HIPK1: variants seen among roughly 807,000 people sequenced by gnomAD.
HIPK1 encodes homeodomain interacting protein kinase 1, also known as homeodomain-interacting protein kinase 1.
HIPK1 carries 28 observed loss-of-function variants against 117.1 expected under a neutral mutation model. The ratio of observed to expected loss-of-function variants is 0.24; its 90% CI spans 0.18 to 0.33. The LOEUF (loss-of-function observed/expected upper bound fraction) is 0.33, where lower values mean the gene tolerates loss of function less well. Ranked by LOEUF, HIPK1 falls within the 10% of genes least tolerant of loss-of-function variation. HIPK1 has a pLI of 1.00. For missense variants in HIPK1, 1,122 were observed against 1,475.1 expected (o/e 0.76, Z 3.92); for synonymous variants, 605 against 562.5 (o/e 1.08, Z -1.07).
rs1391331249 is a variant in HIPK1, at chr1:113,929,390, G to T, written c.-145G>T. ...TAAATCACCGCAGAGTCTGCAGTGC[G>T]GAGGGGGCGGGAAGTCCAGGCCCCG... On this transcript the variant is annotated 5_prime_UTR_variant, in exon 1 of 16. Transcript: ENST00000426820. The T allele has an allele frequency of 7.8e-7, 1 of 1,289,332 alleles. No homozygotes were observed. Among genetic ancestry groups the T allele is most frequent in the African/African-American group, 1.5e-5 (1 of 65,870 alleles). The allele number at this position is 1,289,332 out of a possible 1,614,324, so 79.9% of individuals were successfully genotyped here.
intron 1 of HIPK1, among the ~76,000 whole-genome samples, chr1:113,936,421 A>C (rs1320240636): frequency 6.6e-6 from 1 of 152,206 alleles, no homozygotes; most frequent in African/African-American, 2.4e-5. Context: ...AGTTGGCAAT[A>C]ATGTTACTCT....
chr1:113,966,024 A>T (rs748181010), intron 10 of HIPK1, 106 bp from the exon 11 acceptor site: 10 of 1,126,310 alleles, frequency 8.9e-6, no homozygotes, highest in Non-Finnish European at 8.8e-6. Flanking sequence ...TTAACAATCT[A>T]CAAGCAACTT....
intron 10 of HIPK1, among the ~76,000 whole-genome samples, chr1:113,964,737 T>C (rs1189916987): frequency 1.3e-5 from 2 of 152,244 alleles, no homozygotes; most frequent in East Asian, 3.8e-4. Flanking sequence ...CAGATATATT[T>C]CCAACTTGAT....
At chr1:113,929,670 C>G (rs1334635900) in intron 1 of HIPK1, 138 bp downstream of exon 1, 4 of 900,782 alleles carry the variant, frequency 4.4e-6, no homozygotes, top group African/African-American at 1.8e-5. Context: ...GCGGTAGCCC[C>G]GGACGGCAGC....
intron 2 of HIPK1, among the ~76,000 whole-genome samples, chr1:113,944,386 A>T (rs1571670211): frequency 2.0e-5 from 3 of 147,260 alleles, no homozygotes; most frequent in Middle Eastern, 7.4e-3. Flanking sequence ...CTGGTCTCGA[A>T]CTCCTGACCT....
chr1:113,933,759 C>T (rs938211040), intron 1 of HIPK1, among the ~76,000 whole-genome samples: 8 of 151,858 alleles, frequency 5.3e-5, no homozygotes, highest in Non-Finnish European at 1.0e-4. Flanking sequence ...CCCAGTTACT[C>T]GGGAGGCTGA....
At chr1:113,933,241 A>G in intron 1 of HIPK1, 2 of 960,824 alleles carry the variant, frequency 2.1e-6, no homozygotes, top group South Asian at 9.6e-5. Context: ...AAGGGTAAGT[A>G]AAAGTTAGGA....
At chr1:113,951,946 T>G (rs1671390850) in intron 2 of HIPK1, among the ~76,000 whole-genome samples, 1 of 30,166 alleles carries the variant, frequency 3.3e-5, no homozygotes, top group Non-Finnish European at 8.0e-5. Flanking sequence ...TGACCAGGGC[T>G]TTTTTTTTTT....
At position 113,940,945 on chromosome 1, in the gene HIPK1, A is replaced by G. The variant is rs751543605; in HGVS notation, c.562A>G (p.Asn188Asp). The G allele has an allele frequency of 6.2e-7, 1 of 1,614,182 alleles. No homozygotes were observed. The change falls in exon 2 of 16, where the codon AAT (asparagine) becomes GAT (aspartate). Residue 188 changes from asparagine (N) to aspartate (D), a missense_variant. Coordinates refer to ENST00000426820, the MANE Select transcript of HIPK1 (RefSeq NM_198268.3). ...VQHEILCSMT[N>D]SYEVLEFLGR... ...GCATGAGATCCTTTGCTCTATGACC[A>G]ATAGCTATGAAGTCTTGGAGTTCCT...
At position 113,929,432 on chromosome 1, in the gene HIPK1, G is replaced by T. The variant is rs1454098017; in HGVS notation, c.-103G>T. The T allele has an allele frequency of 1.6e-6, 2 of 1,289,242 alleles. No individual in the cohort carries two copies. Among genetic ancestry groups the T allele is most frequent in the South Asian group, 2.5e-5 (2 of 81,034 alleles). The allele number at this position is 1,289,242 out of a possible 1,614,324, so 79.9% of individuals were successfully genotyped here. A position where few individuals can be genotyped will look rare whatever the true frequency, so the allele number is the denominator to read the frequency against. ...CAGGCCCCGCACTCGATCCACGCTG[G>T]CTCCCTACGGAGGCCCACCTACTCG... On this transcript the variant is annotated 5_prime_UTR_variant, in exon 1 of 16. Coordinates refer to ENST00000426820, the MANE Select transcript of HIPK1 (RefSeq NM_198268.3).
intron 14 of HIPK1, among the ~76,000 whole-genome samples, chr1:113,971,057 G>T (rs1301968855): frequency 6.6e-6 from 1 of 152,150 alleles, no homozygotes; most frequent in Non-Finnish European, 1.5e-5. Context: ...ATAAACCTGG[G>T]CCATACTTGT....
Position 113,930,266 on chromosome 1 carries a change from C to A in HIPK1, c.-3+734C>A, listed in dbSNP as rs1308709273. On this transcript the variant is annotated intron_variant, in intron 1 of 15. Coordinates refer to ENST00000426820, the MANE Select transcript of HIPK1 (RefSeq NM_198268.3). ...CGTCTCCTCACTCGGCCGGTTTTTT[C>A]CCCGGCTGTCGTGGCAGGTTCCCAG... 2.0e-5 allele frequency among the ~76,000 whole-genome samples: 3 copies of A among 152,240 alleles called. No homozygotes were observed. The South Asian group carries it at 6.2e-4, about 31-fold the overall frequency.
chr1:113,947,320 C>T (rs926420921), intron 2 of HIPK1, among the ~76,000 whole-genome samples: 1 of 152,188 alleles, frequency 6.6e-6, no homozygotes, highest in South Asian at 2.1e-4. Context: ...ATGTTTTTCC[C>T]TACTGAACAA....
At chr1:113,951,432 A>G (rs1671355752) in intron 2 of HIPK1, 3 of 256,486 alleles carry the variant, frequency 1.2e-5, no homozygotes, top group Non-Finnish European at 1.8e-5. Flanking sequence ...TCTTTTTCTC[A>G]GTTTCTTCTT....
intron 13 of HIPK1, 105 bp downstream of exon 13, chr1:113,968,753 G>T: frequency 1.2e-6 from 1 of 859,412 alleles, no homozygotes; most frequent in Non-Finnish European, 1.9e-6. Flanking sequence ...GGGCATGGTG[G>T]CTCACGCCTG....
intron 1 of HIPK1, among the ~76,000 whole-genome samples, chr1:113,932,391 T>TTTA (rs1491049719): frequency 6.7e-6 from 1 of 149,158 alleles, no homozygotes. Context: ...TTTTTTTTTT[T>TTTA]ATTTGAGACA....
In HIPK1 at chr1:113,955,574, A is replaced by G. The variant is rs768463703; in HGVS notation, c.1332A>G (p.Glu444=). 6.3e-7 allele frequency: 1 copy of G among 1,577,876 alleles called. No homozygotes were observed. The highest frequency in any genetic ancestry group is 8.7e-7 in the Non-Finnish European group (1 of 1,148,956). Residue 444 remains glutamate, a synonymous_variant, in exon 5 of 16, where the codon GAA becomes GAG. Transcript: ENST00000426820. The part of the protein sequence containing the change: ...YPLWRLKTPE[E]HELETGIKSK... Reference sequence around the variant, plus strand: ...TCTTTATTTTATAGACACCTGAAGAACATGAACTGGAGACTGGAATAAAAT... The same window carrying G: ...TCTTTATTTTATAGACACCTGAAGAGCATGAACTGGAGACTGGAATAAAAT...
intron 2 of HIPK1, among the ~76,000 whole-genome samples, chr1:113,945,899 A>G (rs554106120): frequency 1.3e-5 from 2 of 152,288 alleles, no homozygotes; most frequent in African/African-American, 2.4e-5. Context: ...ATTGCTTTTT[A>G]TTAAGGATAG....
intron 2 of HIPK1, among the ~76,000 whole-genome samples, chr1:113,952,376 G>A (rs1050867775): frequency 5.3e-4 from 81 of 152,014 alleles, no homozygotes; most frequent in African/African-American, 1.9e-3. Flanking sequence ...CTTTAAGTTT[G>A]GTATAAATTC....
Sources: allele counts gnomAD v4.1 joint callset (sites outside exome capture counted in the v4.1 genomes callset), GRCh38; gene constraint gnomAD v4.1.1; transcripts MANE v1.5; gene names NCBI Gene and HGNC (gene_info 2026-07-23, HGNC 2026-07-21).